Variants in ADAMTSL1 observed in about 807,000 individuals in gnomAD.
ADAMTSL1 encodes ADAMTS-like protein 1.
A neutral mutation model predicts 201.8 loss-of-function variants in ADAMTSL1; 126 were observed. The observed-to-expected ratio is 0.62, with a 90% CI of 0.54 to 0.72. ADAMTSL1 has a LOEUF of 0.72. Ranked by LOEUF, ADAMTSL1 falls within the 30% of genes least tolerant of loss-of-function variation. The probability of loss-of-function intolerance (pLI) is 0.00; values close to 1 mark genes in which losing one functional copy is unlikely to be tolerated. For missense variants in ADAMTSL1, 2,679 were observed against 2,277.8 expected, an observed-to-expected ratio of 1.18 and a Z score of -3.59; for synonymous variants, 1,121 against 903.4, an observed-to-expected ratio of 1.24 and a Z score of -4.32.
chr9:17,973,969 C>G (rs573666561), intron 1 of ADAMTSL1, among the ~76,000 whole-genome samples: 1 of 151,524 alleles, frequency 6.6e-6, no homozygotes, highest in Admixed American at 6.6e-5. Flanking sequence ...CTCTGTTTGT[C>G]TGTTATTGGT....
intron 15 of ADAMTSL1, among the ~76,000 whole-genome samples, chr9:18,726,223 C>G (rs1817883730): frequency 6.6e-6 from 1 of 152,170 alleles, no homozygotes; most frequent in South Asian, 2.1e-4. Context: ...AAGCTTCAGT[C>G]TGGGCGTGGT....
intron 2 of ADAMTSL1, among the ~76,000 whole-genome samples, chr9:18,384,378 C>A (rs1344851651): frequency 3.9e-5 from 6 of 152,112 alleles, no homozygotes; most frequent in Non-Finnish European, 5.9e-5. Flanking sequence ...TCACCAGGTC[C>A]CTCCCCCAAC....
At chr9:18,866,238 T>G (rs1393776003) in intron 23 of ADAMTSL1, among the ~76,000 whole-genome samples, 2 of 152,018 alleles carry the variant, frequency 1.3e-5, no homozygotes, top group South Asian at 2.1e-4. Flanking sequence ...AATTATTCAC[T>G]GGGAACATAC....
intron 2 of ADAMTSL1, among the ~76,000 whole-genome samples, chr9:18,182,240 T>C (rs1361880858): frequency 6.6e-6 from 1 of 151,762 alleles, no homozygotes; most frequent in Non-Finnish European, 1.5e-5. Context: ...TATACATATG[T>C]AACAAACATG....
At chr9:18,682,001 T>G in intron 12 of ADAMTSL1, 42 bp downstream of exon 12, 1 of 1,604,762 alleles carries the variant, frequency 6.2e-7, no homozygotes, top group Non-Finnish European at 8.5e-7. Flanking sequence ...TTAATTGTTG[T>G]GTGTAGTCAG....
intron 1 of ADAMTSL1, among the ~76,000 whole-genome samples, chr9:18,480,797 G>C (rs763636238): frequency 6.6e-6 from 1 of 152,194 alleles, no homozygotes; most frequent in Non-Finnish European, 1.5e-5. Context: ...AGTGTGATAA[G>C]TAGTTGGGGG....
intron 2 of ADAMTSL1, among the ~76,000 whole-genome samples, chr9:18,349,383 T>A (rs147719753): frequency 1.3e-5 from 2 of 152,264 alleles, no homozygotes; most frequent in African/African-American, 4.8e-5. Flanking sequence ...TTAAGGAAGT[T>A]CAGGTGTCAG....
chr9:18,657,490 A>G (rs1216379428), intron 7 of ADAMTSL1, 149 bp from the exon 8 acceptor site: 4 of 605,442 alleles, frequency 6.6e-6, no homozygotes, highest in Non-Finnish European at 8.9e-6. Context: ...GGTAGGATAC[A>G]TGATACTGCC....
At chr9:18,730,329 A>C (rs1451078130) in intron 15 of ADAMTSL1, among the ~76,000 whole-genome samples, 1 of 152,272 alleles carries the variant, frequency 6.6e-6, no homozygotes, top group Non-Finnish European at 1.5e-5. Context: ...GAGATGTTTA[A>C]GTGACATAAA....
intron 1 of ADAMTSL1, among the ~76,000 whole-genome samples, chr9:18,074,722 CT>C (rs1323483168): frequency 6.6e-6 from 1 of 152,016 alleles, no homozygotes; most frequent in East Asian, 1.9e-4. Flanking sequence ...TCCCAAGTAG[CT>C]GGGATTACAG....
chr9:17,933,856 A>G (rs1826898341), intron 1 of ADAMTSL1, among the ~76,000 whole-genome samples: 1 of 152,168 alleles, frequency 6.6e-6, no homozygotes, highest in Non-Finnish European at 1.5e-5. Flanking sequence ...TGGGGATTAC[A>G]ATTTGACCAG....
intron 2 of ADAMTSL1, among the ~76,000 whole-genome samples, chr9:18,395,255 T>C (rs188177162): frequency 6.6e-6 from 1 of 152,328 alleles, no homozygotes; most frequent in East Asian, 1.9e-4. Flanking sequence ...CTGAATTTAC[T>C]CTGGTTTTTA....
Position 18,861,890 on chromosome 9 carries a change from TC to T in ADAMTSL1, c.4250-25936del, listed in dbSNP as rs34896270. On this transcript the variant is annotated intron_variant, in intron 23 of 28. Transcript: ENST00000380548. ...CCTACTTCAGCTCACCACTCAACTCTCCCCCGTCTTTACTTCCCTCACATTG... is the reference window on the plus strand; with the variant it reads ...CCTACTTCAGCTCACCACTCAACTCTCCCCGTCTTTACTTCCCTCACATTG... Among the ~76,000 whole-genome samples, 160 of 152,150 alleles carry T rather than the reference TC, an allele frequency of 1.1e-3. 1 individual carries two copies. The highest frequency in any genetic ancestry group is 3.6e-3 in the African/African-American group (150 of 41,488).
intron 1 of ADAMTSL1, among the ~76,000 whole-genome samples, chr9:18,120,212 A>C (rs1029314211): frequency 6.6e-6 from 1 of 151,748 alleles, no homozygotes; most frequent in African/African-American, 2.4e-5. Flanking sequence ...AGGAGGCCTC[A>C]GTTTTTTACC....
chr9:18,274,091 A>G (rs1832491552), intron 2 of ADAMTSL1, among the ~76,000 whole-genome samples: 2 of 152,256 alleles, frequency 1.3e-5, no homozygotes, highest in African/African-American at 4.8e-5. Flanking sequence ...GAAATTTTGA[A>G]TGAAGGAATT....
At chr9:18,533,421 C>G in intron 3 of ADAMTSL1, 129 bp downstream of exon 3, 4 of 585,402 alleles carry the variant, frequency 6.8e-6, no homozygotes, top group Non-Finnish European at 1.1e-5. Context: ...TCATACTGTA[C>G]TGATTATATG....
At chr9:18,430,709 A>G (rs753809674) in intron 2 of ADAMTSL1, among the ~76,000 whole-genome samples, 30 of 152,202 alleles carry the variant, frequency 2.0e-4, no homozygotes, top group Non-Finnish European at 3.4e-4. Flanking sequence ...TTGTCTTTCA[A>G]CTTCTCCTTG....
intron 16 of ADAMTSL1, among the ~76,000 whole-genome samples, chr9:18,763,097 T>C (rs1217025563): frequency 6.6e-6 from 1 of 152,208 alleles, no homozygotes; most frequent in Non-Finnish European, 1.5e-5. Flanking sequence ...TTCTCCATAG[T>C]GGTTGTACTA....
chr9:18,854,899 G>A (rs563868229), intron 23 of ADAMTSL1, among the ~76,000 whole-genome samples: 31 of 152,190 alleles, frequency 2.0e-4, no homozygotes, highest in Middle Eastern at 3.4e-3. Context: ...AATTATTGAC[G>A]AAGGTTATAA....
Sources: gnomAD v4.1 joint callset for allele counts (sites outside exome capture counted in the v4.1 genomes callset) on GRCh38, gnomAD v4.1.1 for gene constraint, MANE v1.5 for transcripts, NCBI Gene and HGNC (gene_info 2026-07-23, HGNC 2026-07-21) for gene names.